Variants in OSBP2 observed in about 807,000 individuals in gnomAD.
The protein encoded by OSBP2 is oxysterol binding protein 2.
OSBP2 carries 66 observed loss-of-function variants against 96.0 expected under a neutral mutation model. That is an observed-to-expected ratio of 0.69 (90% CI 0.56 to 0.84). The LOEUF is 0.84. Among genes scored for constraint, OSBP2 ranks in the 40% least tolerant of loss-of-function variants. The pLI is 0.00. For missense variants in OSBP2, 1,038 were observed against 1,222.7 expected (o/e 0.85, Z 2.25); for synonymous variants, 525 against 520.9 (o/e 1.01, Z -0.11).
intron 2 of OSBP2, among the ~76,000 whole-genome samples, chr22:30,824,160 G>A (rs796162657): frequency 2.1e-4 from 32 of 152,246 alleles, no homozygotes; most frequent in African/African-American, 7.7e-4. Flanking sequence ...AGCAGTGACG[G>A]GGTGACCTTT....
At chr22:30,904,907 A>C (rs1440477802) in intron 12 of OSBP2, among the ~76,000 whole-genome samples, 1 of 152,138 alleles carries the variant, frequency 6.6e-6, no homozygotes, top group Non-Finnish European at 1.5e-5. Context: ...AGGCCAAGAT[A>C]GGCAGACCAA....
In OSBP2 at chr22:30,695,433, C is replaced by T; in HGVS notation, c.524C>T (p.Ala175Val). 1 of 1,613,656 alleles carries T rather than the reference C, an allele frequency of 6.2e-7. No individual in the cohort carries two copies. The highest frequency in any genetic ancestry group is 8.5e-7 in the Non-Finnish European group (1 of 1,179,974). Reference protein sequence around the residue: ...PMSGTGTTSSAPLALLPLDSF... With the variant: ...PMSGTGTTSSVPLALLPLDSF... ...TCGGGGACTGGCACGACCTCCAGTG[C>T]CCCACTGGCCTTACTGCCTCTGGAC... The change falls in exon 1 of 14, where the codon GCC becomes GTC. Residue 175 changes from alanine (A) to valine (V), a missense_variant. Ala to Val is a moderately conservative substitution (Grantham distance 64, BLOSUM62 0). Transcript: ENST00000332585.
intron 1 of OSBP2, 103 bp downstream of exon 1, chr22:30,695,656 A>G: frequency 6.6e-7 from 1 of 1,515,208 alleles, no homozygotes; most frequent in Non-Finnish European, 8.8e-7. Flanking sequence ...ACTAGTCTAG[A>G]GATGTTTAGG....
At chr22:30,717,744 C>G (rs774283399) in intron 1 of OSBP2, among the ~76,000 whole-genome samples, 1 of 152,174 alleles carries the variant, frequency 6.6e-6, no homozygotes, top group Non-Finnish European at 1.5e-5. Flanking sequence ...CAAATATGTG[C>G]CAACATGACT....
At chr22:30,732,908 C>T (rs2145726621) in intron 1 of OSBP2, among the ~76,000 whole-genome samples, 1 of 152,276 alleles carries the variant, frequency 6.6e-6, no homozygotes, top group Non-Finnish European at 1.5e-5. Context: ...GAGTCACTGG[C>T]ACAGCTGCTA....
chr22:30,729,411 G>T (rs1398111350), intron 1 of OSBP2, among the ~76,000 whole-genome samples: 1 of 152,190 alleles, frequency 6.6e-6, no homozygotes, highest in South Asian at 2.1e-4. Flanking sequence ...GCCAAGGTGG[G>T]AGGATCACCT....
chr22:30,843,679 C>T (rs1366546381), intron 2 of OSBP2, among the ~76,000 whole-genome samples: 1 of 152,006 alleles, frequency 6.6e-6, no homozygotes, highest in African/African-American at 2.4e-5. Flanking sequence ...GCCTGGGCAA[C>T]ATAGTGAAAC....
chr22:30,757,371 T>C lies in OSBP2; in HGVS notation c.853+16002T>C, dbSNP rs563217688. ...AGCAGTGCCAGCTTCAAAGGGTGAT[T>C]TTCTCCCTCTTGCTGGGGGACTTGG... On this transcript the variant is annotated intron_variant, in intron 2 of 13. Coordinates refer to ENST00000332585, the MANE Select transcript of OSBP2 (RefSeq NM_030758.4). Among the ~76,000 whole-genome samples, 7 of 152,218 alleles carry C rather than the reference T, an allele frequency of 4.6e-5. No individual in the cohort carries two copies. In the South Asian group the frequency reaches 1.5e-3, roughly 32 times the overall value.
At position 30,905,856 on chromosome 22, in the gene OSBP2, T is replaced by G. The variant is rs938316123; in HGVS notation, c.2395T>G (p.Tyr799Asp). The part of the protein sequence containing the change: ...YPLPENAENM[Y>D]YFSELALTLN... ...CCACAGGGAGAACGCGGAGAACATG[T>G]ACTACTTCTCAGAGCTGGCCCTGAC... is the stretch of plus-strand genomic sequence containing the variant. The change falls in exon 13 of 14, where the codon TAC (tyrosine) becomes GAC (aspartate). Residue 799 changes from tyrosine to aspartate, a missense_variant. Tyr to Asp is a radical substitution (Grantham distance 160, BLOSUM62 -3). Around this residue, in one of 3 missense-constraint regions of OSBP2, gnomAD observed 737 missense variants for 913.3 expected, o/e 0.81. Coordinates refer to ENST00000332585, the MANE Select transcript of OSBP2 (RefSeq NM_030758.4). 1.2e-6 allele frequency: 2 copies of G among 1,613,192 alleles called. No homozygotes were observed. Among genetic ancestry groups the G allele is most frequent in the African/African-American group, 2.7e-5 (2 of 74,912 alleles).
chr22:30,760,111 G>A (rs188287359), intron 2 of OSBP2, among the ~76,000 whole-genome samples: 8 of 150,334 alleles, frequency 5.3e-5, no homozygotes, highest in African/African-American at 2.0e-4. Flanking sequence ...CAGGTGATCC[G>A]CCTGCCTTGG....
chr22:30,799,534 A>AC (rs1406291837), intron 2 of OSBP2, among the ~76,000 whole-genome samples: 1 of 152,248 alleles, frequency 6.6e-6, no homozygotes, highest in Non-Finnish European at 1.5e-5. Context: ...AGGCCCAAAG[A>AC]CAAAGGGCAA....
At chr22:30,710,299 G>A (rs1030008354) in intron 1 of OSBP2, among the ~76,000 whole-genome samples, 1 of 152,148 alleles carries the variant, frequency 6.6e-6, no homozygotes, top group African/African-American at 2.4e-5. Context: ...TTCCTGTTTT[G>A]TTTTGTTTTG....
In OSBP2 at chr22:30,813,771, G is replaced by A. The variant is rs566996833; in HGVS notation, c.854-56658G>A. Among the ~76,000 whole-genome samples, 5 of 151,816 alleles carry A rather than the reference G, an allele frequency of 3.3e-5. No homozygotes were observed. The South Asian group carries it at 1.0e-3, about 32-fold the overall frequency. Reference sequence around the variant, plus strand: ...CAGTGGTGTGGGGACAGCTGGTGCTGGGACCCTTACCTAACTTTTCCCAGA... The same window carrying A: ...CAGTGGTGTGGGGACAGCTGGTGCTAGGACCCTTACCTAACTTTTCCCAGA... On this transcript the variant is annotated intron_variant, in intron 2 of 13. Transcript: ENST00000332585.
rs567316783 is a variant in OSBP2, at chr22:30,732,091, G to A, written c.645-9070G>A. Among the ~76,000 whole-genome samples the A allele has an allele frequency of 1.1e-4, 17 of 152,270 alleles. No homozygotes were observed. In the South Asian group the frequency reaches 3.3e-3, roughly 30 times the overall value. On this transcript the variant is annotated intron_variant, in intron 1 of 13. Coordinates refer to ENST00000332585, the MANE Select transcript of OSBP2 (RefSeq NM_030758.4). ...GGCCAAGGTGGAAAGATCACCTGAG[G>A]TCAGGGGTTCAAGACCAGCCTCACT... is the stretch of plus-strand genomic sequence containing the variant.
intron 1 of OSBP2, among the ~76,000 whole-genome samples, chr22:30,717,505 G>T (rs1247716089): frequency 6.6e-6 from 1 of 152,128 alleles, no homozygotes; most frequent in Non-Finnish European, 1.5e-5. Context: ...TGCCATCCAG[G>T]ACCAGATGGG....
chr22:30,867,003 T>C (rs904171790), intron 2 of OSBP2, among the ~76,000 whole-genome samples: 5 of 152,130 alleles, frequency 3.3e-5, no homozygotes, highest in Admixed American at 3.3e-4. Context: ...CATCCTTGTC[T>C]TGCTGTGAGA....
intron 2 of OSBP2, among the ~76,000 whole-genome samples, chr22:30,783,575 G>A (rs985893962): frequency 6.6e-6 from 1 of 151,896 alleles, no homozygotes; most frequent in Non-Finnish European, 1.5e-5. Flanking sequence ...ACCCACCTTG[G>A]CCTCCCAAAG....
intron 2 of OSBP2, among the ~76,000 whole-genome samples, chr22:30,779,513 T>C (rs2090485711): frequency 6.6e-6 from 1 of 152,068 alleles, no homozygotes; most frequent in East Asian, 1.9e-4. Context: ...GGCTCATGTT[T>C]TTTGGATGGG....
chr22:30,845,930 A>G lies in OSBP2; in HGVS notation c.854-24499A>G, dbSNP rs573920177. 6.6e-5 allele frequency among the ~76,000 whole-genome samples: 10 copies of G among 151,398 alleles called. 1 individual carries two copies. In the South Asian group the frequency reaches 2.1e-3, roughly 32 times the overall value. On this transcript the variant is annotated intron_variant, in intron 2 of 13. Coordinates refer to ENST00000332585, the MANE Select transcript of OSBP2 (RefSeq NM_030758.4). ...ATTTGCAAAGCAGAATAAAAGAGGT[A>G]TGCCTGTATACTGCCTTTATCCATT...
Sources: allele counts gnomAD v4.1 joint callset (sites outside exome capture counted in the v4.1 genomes callset), GRCh38; gene constraint gnomAD v4.1.1; regional missense constraint gnomAD v4.1.1; transcripts MANE v1.5; gene names NCBI Gene and HGNC (gene_info 2026-07-23, HGNC 2026-07-21).